Variants in NRG3 observed in about 807,000 individuals in gnomAD.
NRG3 encodes neuregulin 3, also known as pro-neuregulin-3, membrane-bound isoform.
A neutral mutation model predicts 66.9 loss-of-function variants in NRG3; 31 were observed. The observed-to-expected ratio is 0.46, with a 90% CI of 0.35 to 0.63. NRG3 has a LOEUF of 0.63. Ranked by LOEUF, NRG3 falls within the 20% of genes least tolerant of loss-of-function variation. NRG3 has a pLI of 0.00. For missense variants in NRG3, 910 were observed against 878.9 expected (o/e 1.04, Z -0.45); for synonymous variants, 393 against 359.4 (o/e 1.09, Z -1.06).
chr10:82,123,675 C>T (rs999178694), intron 1 of NRG3, among the ~76,000 whole-genome samples: 4 of 152,156 alleles, frequency 2.6e-5, no homozygotes, highest in Non-Finnish European at 5.9e-5. Context: ...GTTCTTTCTT[C>T]TGCTGGTGTC....
intron 1 of NRG3, among the ~76,000 whole-genome samples, chr10:81,922,014 A>T (rs1482672339): frequency 6.6e-6 from 1 of 152,028 alleles, no homozygotes; most frequent in South Asian, 2.1e-4. Context: ...AAGTGTTTGC[A>T]TTTTATCCTT....
chr10:82,930,130 G>A (rs1485380189), intron 4 of NRG3, among the ~76,000 whole-genome samples: 3 of 152,126 alleles, frequency 2.0e-5, no homozygotes, highest in Admixed American at 6.5e-5. Context: ...GTAATAACAT[G>A]TGTGAGTAGC....
rs552745191 is a variant in NRG3 at position 82,575,576 on chromosome 10, G to A, written c.954-163001G>A. Among the ~76,000 whole-genome samples, 4 of 151,734 alleles carry A rather than the reference G, an allele frequency of 2.6e-5. No homozygotes were observed. In the South Asian group the frequency reaches 8.3e-4, roughly 31 times the overall value. On this transcript the variant is annotated intron_variant, in intron 2 of 8. Coordinates refer to ENST00000372141, the MANE Select transcript of NRG3 (RefSeq NM_001010848.4). ...GCAGGAGTGACGTGATCAGATTTGTGATGCAGAACAATTGTTCTGATGACA... is the reference window on the plus strand; with the variant it reads ...GCAGGAGTGACGTGATCAGATTTGTAATGCAGAACAATTGTTCTGATGACA...
intron 2 of NRG3, among the ~76,000 whole-genome samples, chr10:82,471,662 G>A (rs997534565): frequency 7.2e-5 from 11 of 152,114 alleles, no homozygotes; most frequent in African/African-American, 2.7e-4. Context: ...TGTAATCCCA[G>A]CACTTTGGGA....
At chr10:82,608,652 T>A (rs1273943839) in intron 2 of NRG3, among the ~76,000 whole-genome samples, 5 of 152,094 alleles carry the variant, frequency 3.3e-5, no homozygotes, top group Admixed American at 2.0e-4. Flanking sequence ...CTTCTACAAT[T>A]TGTTCTCAAC....
chr10:82,854,036 G>A (rs1253347669), intron 3 of NRG3, among the ~76,000 whole-genome samples: 1 of 152,104 alleles, frequency 6.6e-6, no homozygotes, highest in African/African-American at 2.4e-5. Flanking sequence ...AAAGAAAATT[G>A]GTGGGATTAT....
At chr10:82,966,623 C>G (rs1439496871) in intron 6 of NRG3, among the ~76,000 whole-genome samples, 1 of 152,098 alleles carries the variant, frequency 6.6e-6, no homozygotes, top group Non-Finnish European at 1.5e-5. Flanking sequence ...TATGCATAGC[C>G]CACTCTTAAG....
At chr10:81,908,773 C>A (rs1375243454) in intron 1 of NRG3, among the ~76,000 whole-genome samples, 1 of 152,160 alleles carries the variant, frequency 6.6e-6, no homozygotes, top group African/African-American at 2.4e-5. Flanking sequence ...TGAGCACTTT[C>A]ATGAATGCAT....
intron 1 of NRG3, among the ~76,000 whole-genome samples, chr10:82,280,782 C>A (rs1461215892): frequency 6.6e-6 from 1 of 152,146 alleles, no homozygotes; most frequent in Non-Finnish European, 1.5e-5. Flanking sequence ...TCTGTATTAG[C>A]AAGGGGGACT....
chr10:81,875,653 T>C lies in NRG3; in HGVS notation c.313T>C (p.Ser105Pro). The change falls in exon 1 of 9, where the codon TCC becomes CCC. Residue 105 changes from serine (S) to proline (P), a missense_variant. Physicochemically the swap from Ser to Pro is moderately conservative, Grantham distance 74. Transcript: ENST00000372141. The surrounding 1 kb of genome is among the most constrained non-coding windows in gnomAD (Gnocchi z 5.3). The stretch of plus-strand genomic sequence containing the variant: ...GTACGTGCCCACCGACCTAGTGGAC[T>C]CCAAGGGGATGGGCCAGGACCCCTT... ...KEYVPTDLVD[S>P]KGMGQDPFFL... 6.2e-7 allele frequency: 1 copy of C among 1,613,802 alleles called. No homozygotes were observed. Among genetic ancestry groups the C allele is most frequent in the Non-Finnish European group, 8.5e-7 (1 of 1,179,934 alleles).
chr10:82,842,707 C>T (rs2063119777), intron 3 of NRG3, among the ~76,000 whole-genome samples: 1 of 152,036 alleles, frequency 6.6e-6, no homozygotes, highest in African/African-American at 2.4e-5. Flanking sequence ...ATTACTGAAT[C>T]CCATGTTTTT....
rs149271630 is a variant in NRG3, at chr10:82,985,590, T to G, written c.2076T>G (p.Ser692=). Residue 692 remains serine, a synonymous_variant, in exon 9 of 9, where the codon TCT becomes TCG. Transcript: ENST00000372141. ...TAAGAAATGAAATACAAAGAGACTC[T>G]GCATTGACCAAGTGACTTGAGATGT... The part of the protein sequence containing the change: ...FVLRNEIQRD[S]ALTK The G allele has an allele frequency of 4.5e-5, 73 of 1,611,686 alleles. No homozygotes were observed. The highest frequency in any genetic ancestry group is 5.7e-5 in the Non-Finnish European group (67 of 1,179,830).
Position 81,875,497 on chromosome 10 carries a change from C to G in NRG3, c.157C>G (p.Arg53Gly). 3 of 1,593,404 alleles carry G rather than the reference C, an allele frequency of 1.9e-6. No individual in the cohort carries two copies. Among genetic ancestry groups the G allele is most frequent in the Non-Finnish European group, 2.6e-6 (3 of 1,169,558 alleles). ...EGAAEPPREL[R>G]CSDCIVWNRQ... Reference sequence around the variant, plus strand: ...GGCGGCCGAGCCCCCCCGGGAGTTACGCTGTAGCGACTGCATCGTGTGGAA... The same window carrying G: ...GGCGGCCGAGCCCCCCCGGGAGTTAGGCTGTAGCGACTGCATCGTGTGGAA... The change falls in exon 1 of 9, where the codon CGC (arginine) becomes GGC (glycine). Residue 53 changes from arginine (R) to glycine (G), a missense_variant. Physicochemically the swap from Arg to Gly is moderately radical, Grantham distance 125. Transcript: ENST00000372141. The surrounding 1 kb of genome is among the most constrained non-coding windows in gnomAD (Gnocchi z 5.3).
intron 4 of NRG3, among the ~76,000 whole-genome samples, chr10:82,883,760 G>T (rs901929516): frequency 1.3e-5 from 2 of 152,026 alleles, no homozygotes; most frequent in African/African-American, 4.8e-5. Context: ...TAACTCTTCA[G>T]AAGTTAAAAC....
At chr10:82,926,596 A>C (rs1038856985) in intron 4 of NRG3, among the ~76,000 whole-genome samples, 3 of 152,242 alleles carry the variant, frequency 2.0e-5, no homozygotes, top group African/African-American at 7.2e-5. Flanking sequence ...TACAATTTGT[A>C]ATGCCGGGTA....
intron 3 of NRG3, among the ~76,000 whole-genome samples, chr10:82,742,814 A>T (rs921959898): frequency 2.6e-5 from 4 of 152,106 alleles, no homozygotes; most frequent in African/African-American, 9.7e-5. Context: ...ATTCCCACCC[A>T]GGGTAGTTAC....
chr10:82,430,135 G>T (rs1270399405), intron 2 of NRG3, among the ~76,000 whole-genome samples: 1 of 152,038 alleles, frequency 6.6e-6, no homozygotes, highest in African/African-American at 2.4e-5. Flanking sequence ...ATTTATAATA[G>T]GTCATTCAAT....
chr10:82,724,949 G>T (rs1565243625), intron 2 of NRG3, among the ~76,000 whole-genome samples: 1 of 152,134 alleles, frequency 6.6e-6, no homozygotes. Flanking sequence ...GGCAGAGAAG[G>T]CTGGCCTCTT....
intron 1 of NRG3, among the ~76,000 whole-genome samples, chr10:82,158,028 T>A (rs1272615887): frequency 1.3e-5 from 2 of 151,698 alleles, no homozygotes; most frequent in Admixed American, 6.6e-5. Flanking sequence ...CATACCTTTG[T>A]GTTCCTTTAG....
Sources: gnomAD v4.1 joint callset for allele counts (sites outside exome capture counted in the v4.1 genomes callset) on GRCh38, gnomAD v4.1.1 for gene constraint, Gnocchi (gnomAD v3.1) non-coding constraint, MANE v1.5 for transcripts, NCBI Gene and HGNC (gene_info 2026-07-23, HGNC 2026-07-21) for gene names.